LMBRD1: variants seen among roughly 807,000 people sequenced by gnomAD.
LMBRD1 encodes the protein lysosomal cobalamin transport escort protein LMBD1.
In LMBRD1, 64 loss-of-function variants were observed where a neutral mutation model predicts 74.8. That is an observed-to-expected ratio of 0.86 (90% CI 0.70 to 1.05). The LOEUF is 1.05. Ranked by LOEUF, LMBRD1 falls within the 50% of genes least tolerant of loss-of-function variation. The pLI is 0.00. For missense variants in LMBRD1, 652 were observed against 645.9 expected (o/e 1.01, Z -0.10); for synonymous variants, 204 against 216.3 (o/e 0.94, Z 0.50).
At chr6:69,748,227 C>G (rs1053845496) in intron 5 of LMBRD1, among the ~76,000 whole-genome samples, 1 of 152,146 alleles carries the variant, frequency 6.6e-6, no homozygotes, top group African/African-American at 2.4e-5. Flanking sequence ...TACTTACTAT[C>G]TATGCTTTAA....
chr6:69,691,138 C>CCA (rs1181665215), intron 14 of LMBRD1, among the ~76,000 whole-genome samples: 1 of 31,372 alleles, frequency 3.2e-5, no homozygotes, highest in Admixed American at 4.8e-4. Context: ...GCAGCAACGG[C>CCA]CTCTCTCTCT....
At chr6:69,741,601 G>T (rs1776757723) in intron 6 of LMBRD1, among the ~76,000 whole-genome samples, 188 bp downstream of exon 6, 1 of 152,090 alleles carries the variant, frequency 6.6e-6, no homozygotes, top group African/African-American at 2.4e-5. Flanking sequence ...GGCCAGGCTG[G>T]TCTCAAACTC....
intron 7 of LMBRD1, among the ~76,000 whole-genome samples, chr6:69,735,091 A>T (rs545956246): frequency 2.0e-5 from 3 of 152,148 alleles, no homozygotes; most frequent in Non-Finnish European, 4.4e-5. Flanking sequence ...ATGAATTTTT[A>T]TTTTACAATA....
intron 4 of LMBRD1, among the ~76,000 whole-genome samples, chr6:69,750,068 A>G (rs932125614): frequency 1.8e-5 from 2 of 111,320 alleles, no homozygotes; most frequent in Non-Finnish European, 3.2e-5. Context: ...ATATACATAT[A>G]TAAGTATATA....
intron 3 of LMBRD1, among the ~76,000 whole-genome samples, chr6:69,778,864 A>T (rs1765764151): frequency 6.6e-6 from 1 of 152,164 alleles, no homozygotes. Flanking sequence ...TTAGATTAGG[A>T]TAAAGGCAAA....
chr6:69,775,694 CTGTG>C (rs1765683575), intron 3 of LMBRD1, among the ~76,000 whole-genome samples: 1 of 152,206 alleles, frequency 6.6e-6, no homozygotes, highest in South Asian at 2.1e-4. Context: ...TTTTAATATT[CTGTG>C]TGACAGGAAA....
intron 3 of LMBRD1, among the ~76,000 whole-genome samples, chr6:69,759,123 G>A (rs1368570789): frequency 3.9e-5 from 6 of 152,126 alleles, no homozygotes; most frequent in Admixed American, 1.3e-4. Flanking sequence ...CAAAAGTTTT[G>A]TGAGTAACAA....
At chr6:69,707,013 C>T (rs779470970) in intron 9 of LMBRD1, among the ~76,000 whole-genome samples, 1 of 152,146 alleles carries the variant, frequency 6.6e-6, no homozygotes, top group Non-Finnish European at 1.5e-5. Flanking sequence ...CTTCTGGAGA[C>T]TCTGGGAAAG....
intron 14 of LMBRD1, among the ~76,000 whole-genome samples, chr6:69,678,590 A>G (rs1279730960): frequency 6.6e-6 from 1 of 152,190 alleles, no homozygotes; most frequent in Non-Finnish European, 1.5e-5. Context: ...CAGTCTGTTA[A>G]TTACAAAATA....
intron 2 of LMBRD1, among the ~76,000 whole-genome samples, chr6:69,785,136 A>G (rs1446607294): frequency 6.6e-6 from 1 of 152,022 alleles, no homozygotes; most frequent in African/African-American, 2.4e-5. Context: ...TCTCAACACC[A>G]CTGAAAAAAG....
intron 9 of LMBRD1, among the ~76,000 whole-genome samples, chr6:69,710,625 G>C (rs1443344173): frequency 1.3e-5 from 2 of 152,042 alleles, no homozygotes; most frequent in Admixed American, 6.6e-5. Context: ...ATGAACGCTT[G>C]TATCTCACTC....
At chr6:69,790,723 T>C in intron 1 of LMBRD1, 1 of 476,838 alleles carries the variant, frequency 2.1e-6, no homozygotes, top group Non-Finnish European at 3.8e-6. Context: ...ACATATTTCC[T>C]CATTAAACAC....
At chr6:69,734,520 C>T (rs1391558512) in intron 7 of LMBRD1, among the ~76,000 whole-genome samples, 1 of 152,008 alleles carries the variant, frequency 6.6e-6, no homozygotes, top group Non-Finnish European at 1.5e-5. Flanking sequence ...CTCAGTCTCC[C>T]GAGTACCTGC....
chr6:69,722,462 CA>C lies in LMBRD1; in HGVS notation c.637-3382del, dbSNP rs1398871500. On this transcript the variant is annotated intron_variant, in intron 7 of 15. Coordinates refer to ENST00000649934, the MANE Select transcript of LMBRD1 (RefSeq NM_018368.4). Reference sequence around the variant, plus strand: ...GTAGAAAACTAAATGATGAACCAATCAAAAAAAAAAAAAACTTTTCAAGACA... The same window carrying C: ...GTAGAAAACTAAATGATGAACCAATCAAAAAAAAAAAAACTTTTCAAGACA... Among the ~76,000 whole-genome samples the C allele has an allele frequency of 8.6e-3, 834 of 96,780 alleles. 6 individuals are homozygous for C. The highest frequency in any genetic ancestry group is 0.031 in the Middle Eastern group (6 of 196). The allele number at this position is 96,780 out of a possible 152,430, so 63.5% of individuals were successfully genotyped here. A position where few individuals can be genotyped will look rare whatever the true frequency, so the allele number is the denominator to read the frequency against.
intron 7 of LMBRD1, among the ~76,000 whole-genome samples, chr6:69,732,863 T>C (rs183028422): frequency 6.6e-6 from 1 of 152,150 alleles, no homozygotes; most frequent in African/African-American, 2.4e-5. Flanking sequence ...AATTAGAATA[T>C]CTACATATAT....
chr6:69,772,874 G>C (rs747569957), intron 3 of LMBRD1, among the ~76,000 whole-genome samples: 1 of 152,076 alleles, frequency 6.6e-6, no homozygotes, highest in Non-Finnish European at 1.5e-5. Flanking sequence ...CTATATCATT[G>C]CACTAACAGA....
intron 7 of LMBRD1, among the ~76,000 whole-genome samples, chr6:69,731,747 T>C (rs1766862927): frequency 6.6e-6 from 1 of 152,130 alleles, no homozygotes. Flanking sequence ...TAAATGCATT[T>C]TCAAACTGAA....
intron 7 of LMBRD1, among the ~76,000 whole-genome samples, chr6:69,737,488 A>G (rs1477068887): frequency 6.6e-6 from 1 of 151,936 alleles, no homozygotes; most frequent in Non-Finnish European, 1.5e-5. Context: ...TATATCCCCA[A>G]GTAGAGTAAA....
chr6:69,713,282 C>T (rs183063052), intron 9 of LMBRD1, among the ~76,000 whole-genome samples: 2 of 152,196 alleles, frequency 1.3e-5, no homozygotes, highest in African/African-American at 4.8e-5. Flanking sequence ...TCAAAATAGA[C>T]TAAACACTTA....
Sources: gnomAD v4.1 joint callset for allele counts (sites outside exome capture counted in the v4.1 genomes callset) on GRCh38, gnomAD v4.1.1 for gene constraint, MANE v1.5 for transcripts, NCBI Gene and HGNC (gene_info 2026-07-23, HGNC 2026-07-21) for gene names.